The following RORA variants were observed in gnomAD, a reference collection of about 807,000 sequenced individuals.
The protein encoded by RORA is RAR related orphan receptor A, also known as nuclear receptor ROR-alpha.
In RORA, 7 loss-of-function variants were observed where a neutral mutation model predicts 69.5. That is an observed-to-expected ratio of 0.10 (90% CI 0.06 to 0.19). The LOEUF is 0.19. RORA is among the 10% of genes least tolerant of loss of function. The pLI, the probability that RORA is intolerant of heterozygous loss-of-function variation, is 1.00. For missense variants in RORA, 457 were observed against 663.0 expected, an observed-to-expected ratio of 0.69 and a Z score of 3.41; for synonymous variants, 261 against 240.8, an observed-to-expected ratio of 1.08 and a Z score of -0.78.
intron 1 of RORA, among the ~76,000 whole-genome samples, chr15:61,062,554 G>A (rs912454203): frequency 1.3e-5 from 2 of 152,180 alleles, no homozygotes; most frequent in Non-Finnish European, 2.9e-5. Flanking sequence ...CAGGGCGAGT[G>A]ATTCAGGCAG....
intron 1 of RORA, among the ~76,000 whole-genome samples, chr15:60,801,389 A>G (rs1276811596): frequency 6.6e-6 from 1 of 150,966 alleles, no homozygotes; most frequent in Non-Finnish European, 1.5e-5. Flanking sequence ...ATAAAGAAAC[A>G]GCCCATTTAA....
At chr15:61,087,700 T>C (rs1388669758) in intron 1 of RORA, among the ~76,000 whole-genome samples, 2 of 152,228 alleles carry the variant, frequency 1.3e-5, no homozygotes, top group Non-Finnish European at 2.9e-5. Flanking sequence ...TCACTAATGT[T>C]AATATATGTT....
At chr15:60,635,791 T>C (rs1358951958) in intron 2 of RORA, among the ~76,000 whole-genome samples, 1 of 152,196 alleles carries the variant, frequency 6.6e-6, no homozygotes, top group Non-Finnish European at 1.5e-5. Context: ...AAGTACACTC[T>C]GCATTTTCTT....
chr15:60,974,288 G>A (rs1893812771), intron 1 of RORA, among the ~76,000 whole-genome samples: 1 of 152,148 alleles, frequency 6.6e-6, no homozygotes, highest in Non-Finnish European at 1.5e-5. Flanking sequence ...GCTGTCATAG[G>A]AAATATGAAG....
chr15:60,969,635 C>G (rs552937507), intron 1 of RORA, among the ~76,000 whole-genome samples: 14 of 152,260 alleles, frequency 9.2e-5, no homozygotes, highest in South Asian at 8.3e-4. Context: ...GCCCAGACAG[C>G]CTGATCATCA....
At chr15:61,050,636 G>A (rs1045303476) in intron 1 of RORA, among the ~76,000 whole-genome samples, 1 of 152,190 alleles carries the variant, frequency 6.6e-6, no homozygotes, top group African/African-American at 2.4e-5. Context: ...ATGCAAGCAT[G>A]TGTAAGAGTA....
At chr15:60,991,100 G>A (rs1566935716) in intron 1 of RORA, among the ~76,000 whole-genome samples, 1 of 152,150 alleles carries the variant, frequency 6.6e-6, no homozygotes, top group Non-Finnish European at 1.5e-5. Context: ...AAAAATGAAT[G>A]GAAAACCCAG....
intron 1 of RORA, among the ~76,000 whole-genome samples, chr15:61,078,366 T>TGTGTGTGTGTGG (rs2078485687): frequency 6.7e-6 from 1 of 148,702 alleles, no homozygotes; most frequent in Admixed American, 6.7e-5. Flanking sequence ...TGTGTGTGTG[T>TGTGTGTGTGTGG]GTGTGTAGTT....
chr15:60,793,773 T>C (rs1345126843), intron 1 of RORA, among the ~76,000 whole-genome samples: 1 of 152,186 alleles, frequency 6.6e-6, no homozygotes, highest in Non-Finnish European at 1.5e-5. Context: ...GCCACAGAGA[T>C]GGACTTAAGC....
Position 61,072,735 on chromosome 15 carries a change from A to G in RORA, c.166+156318T>C, listed in dbSNP as rs141014610. On this transcript the variant is annotated intron_variant, in intron 1 of 10. Coordinates refer to ENST00000335670, the MANE Select transcript of RORA (RefSeq NM_134261.3). ...TACTCCCAGAAAAAATATTTTTGTG[A>G]ACTAATGGGGGTCAAGACATATATC... 2.8e-3 allele frequency among the ~76,000 whole-genome samples: 430 copies of G among 152,292 alleles called. 4 individuals carry two copies. The highest frequency in any genetic ancestry group is 9.9e-3 in the African/African-American group (413 of 41,554).
chr15:61,023,187 CAAAAAA>C (rs35185635), intron 1 of RORA, among the ~76,000 whole-genome samples: 17 of 75,670 alleles, frequency 2.2e-4, no homozygotes, highest in Non-Finnish European at 3.9e-4. Context: ...GACTCTGCCT[CAAAAAA>C]AAAAAAAAAA....
chr15:61,010,664 G>T lies in RORA; in HGVS notation c.166+218389C>A, dbSNP rs1316101912. On this transcript the variant is annotated intron_variant, in intron 1 of 10. Coordinates refer to ENST00000335670, the MANE Select transcript of RORA (RefSeq NM_134261.3). ...ATGTGCCCTCTCTTCAATATTTACT[G>T]TGATCCCTTGTGCCTCAGTTTTCCT... Among the ~76,000 whole-genome samples the T allele has an allele frequency of 5.3e-5, 8 of 152,126 alleles. No homozygotes were observed. In the East Asian group the frequency reaches 1.5e-3, roughly 29 times the overall value.
At chr15:60,916,238 C>A (rs1006127547) in intron 1 of RORA, among the ~76,000 whole-genome samples, 1 of 152,178 alleles carries the variant, frequency 6.6e-6, no homozygotes, top group Admixed American at 6.5e-5. Context: ...CCCTCCAATG[C>A]GTCTGTGTTG....
intron 2 of RORA, among the ~76,000 whole-genome samples, chr15:60,542,002 A>G (rs1481742698): frequency 6.6e-6 from 1 of 152,232 alleles, no homozygotes; most frequent in East Asian, 1.9e-4. Flanking sequence ...AAACACTGCT[A>G]TCAGCTATCC....
At chr15:60,786,652 C>A (rs2140343741) in intron 1 of RORA, among the ~76,000 whole-genome samples, 1 of 152,316 alleles carries the variant, frequency 6.6e-6, no homozygotes, top group Non-Finnish European at 1.5e-5. Flanking sequence ...TGCACAGAGA[C>A]CCAGGGGAAA....
intron 2 of RORA, among the ~76,000 whole-genome samples, chr15:60,638,006 T>C (rs2069870838): frequency 6.6e-6 from 1 of 152,208 alleles, no homozygotes; most frequent in African/African-American, 2.4e-5. Context: ...GTGGGGTTCA[T>C]GCTATGACAC....
Position 60,725,125 on chromosome 15 carries a change from C to T in RORA, c.167-46439G>A, listed in dbSNP as rs144583264. On this transcript the variant is annotated intron_variant, in intron 1 of 10. Coordinates refer to ENST00000335670, the MANE Select transcript of RORA (RefSeq NM_134261.3). ...ATTGACTTAATTTCAATCTAGTTTACCATATTCAGAAGTGCCACATTCAGA... is the reference window on the plus strand; with the variant it reads ...ATTGACTTAATTTCAATCTAGTTTATCATATTCAGAAGTGCCACATTCAGA... Among the ~76,000 whole-genome samples, 11 of 152,278 alleles carry T rather than the reference C, an allele frequency of 7.2e-5. No homozygotes were observed. The East Asian group carries it at 1.5e-3, about 21-fold the overall frequency.
chr15:60,797,992 C>G (rs888340433), intron 1 of RORA, among the ~76,000 whole-genome samples: 1 of 152,148 alleles, frequency 6.6e-6, no homozygotes, highest in Non-Finnish European at 1.5e-5. Context: ...CACTGGCCTA[C>G]AGCTATGCCA....
chr15:61,065,374 G>C (rs138963967), intron 1 of RORA, among the ~76,000 whole-genome samples: 51 of 152,250 alleles, frequency 3.3e-4, no homozygotes, highest in African/African-American at 1.1e-3. Flanking sequence ...TTTCCCATGA[G>C]AGCCTTCCCT....
Sources: gnomAD v4.1 joint callset for allele counts (sites outside exome capture counted in the v4.1 genomes callset) on GRCh38, gnomAD v4.1.1 for gene constraint, MANE v1.5 for transcripts, NCBI Gene and HGNC (gene_info 2026-07-23, HGNC 2026-07-21) for gene names.